The following ATG7 variants were observed in gnomAD, a reference collection of about 807,000 sequenced individuals.
ATG7 encodes the protein ubiquitin-like modifier-activating enzyme ATG7.
In ATG7, 70 loss-of-function variants were observed where a neutral mutation model predicts 82.4. The observed-to-expected ratio is 0.85, with a 90% confidence interval of 0.70 to 1.04. The LOEUF (loss-of-function observed/expected upper bound fraction) is 1.04. Among genes scored for constraint, ATG7 ranks in the 50% least tolerant of loss-of-function variants. The pLI is 0.00. For missense variants in ATG7, 792 were observed against 864.3 expected (o/e 0.92, Z 1.05); for synonymous variants, 287 against 313.0 (o/e 0.92, Z 0.88).
At chr3:11,273,833 G>T (rs1355860797) in intron 1 of ATG7, among the ~76,000 whole-genome samples, 2 of 152,148 alleles carry the variant, frequency 1.3e-5, no homozygotes, top group African/African-American at 4.8e-5. Context: ...ATTCTGAAAC[G>T]TACAGGGTCA....
chr3:11,510,177 C>G, intron 20 of ATG7: 1 of 456,424 alleles, frequency 2.2e-6, no homozygotes, highest in South Asian at 1.6e-5. Flanking sequence ...ATCTTTACCC[C>G]CTTTCAGGAT....
At chr3:11,431,025 G>A (rs2082826121) in intron 20 of ATG7, among the ~76,000 whole-genome samples, 1 of 152,240 alleles carries the variant, frequency 6.6e-6, no homozygotes, top group South Asian at 2.1e-4. Flanking sequence ...GTAGTGTGAT[G>A]TACTTGGAGC....
chr3:11,411,857 A>G (rs1406772532), intron 19 of ATG7, among the ~76,000 whole-genome samples: 1 of 151,998 alleles, frequency 6.6e-6, no homozygotes, highest in Non-Finnish European at 1.5e-5. Context: ...TAGGTCTTCC[A>G]TTTAGGTCTT....
rs558137092 is a variant in ATG7 at position 11,556,416 on chromosome 3, G to A, written c.*1573G>A. Reference sequence around the variant, plus strand: ...CACCGCCGACCCCTCCCAGAGTGACGCCCTTGTTCACTGACAAAGAGACCT... The same window carrying A: ...CACCGCCGACCCCTCCCAGAGTGACACCCTTGTTCACTGACAAAGAGACCT... On this transcript the variant is annotated 3_prime_UTR_variant, in exon 21 of 21. Coordinates refer to ENST00000693202, the MANE Select transcript of ATG7 (RefSeq NM_001349232.2). The A allele has an allele frequency of 3.8e-4, 58 of 152,876 alleles. No individual in the cohort carries two copies. The highest frequency in any genetic ancestry group is 1.1e-3 in the African/African-American group (45 of 41,534). 9.5% of individuals were successfully genotyped at this position (152,876 alleles called of 1,614,324 possible). A position where few individuals can be genotyped will look rare whatever the true frequency, so the allele number is the denominator to read the frequency against.
At chr3:11,400,463 G>A (rs1462899821) in intron 19 of ATG7, among the ~76,000 whole-genome samples, 1 of 152,180 alleles carries the variant, frequency 6.6e-6, no homozygotes, top group Non-Finnish European at 1.5e-5. Flanking sequence ...TGGAGCAGCT[G>A]CAACCCAACT....
intron 20 of ATG7, among the ~76,000 whole-genome samples, chr3:11,485,680 A>G (rs2089543397): frequency 6.6e-6 from 1 of 152,182 alleles, no homozygotes; most frequent in African/African-American, 2.4e-5. Flanking sequence ...TTTAGGTCTA[A>G]CATTTAAGTC....
chr3:11,494,326 T>C (rs1428545507), intron 20 of ATG7, among the ~76,000 whole-genome samples: 2 of 152,232 alleles, frequency 1.3e-5, no homozygotes, highest in Non-Finnish European at 2.9e-5. Flanking sequence ...GTGAGGGGTC[T>C]GGTGTCTCAT....
intron 20 of ATG7, among the ~76,000 whole-genome samples, chr3:11,512,745 A>G (rs975967037): frequency 5.3e-5 from 8 of 152,206 alleles, no homozygotes; most frequent in Non-Finnish European, 8.8e-5. Flanking sequence ...GAGCTAAAGA[A>G]CAAAGCTTCC....
rs542247546 is a variant in ATG7 at position 11,429,948 on chromosome 3, G to GAA, written c.2079+3041_2079+3042dup. The stretch of plus-strand genomic sequence containing the variant: ...GCGACAGAGCGAGACTCTGTCTCAG[G>GAA]AAAAAAAAAAAAAAAAAAAATTCTG... On this transcript the variant is annotated intron_variant, in intron 20 of 20. Coordinates refer to ENST00000693202, the MANE Select transcript of ATG7 (RefSeq NM_001349232.2). 6.5e-3 allele frequency among the ~76,000 whole-genome samples: 820 copies of GAA among 126,094 alleles called. 5 individuals are homozygous for GAA. Among genetic ancestry groups the GAA allele is most frequent in the Middle Eastern group, 0.021 (5 of 236 alleles). 82.7% of individuals were successfully genotyped at this position (126,094 alleles called of 152,430 possible). A position where few individuals can be genotyped will look rare whatever the true frequency, so the allele number is the denominator to read the frequency against.
intron 7 of ATG7, among the ~76,000 whole-genome samples, chr3:11,310,020 G>C (rs889018184): frequency 5.3e-5 from 8 of 151,952 alleles, no homozygotes; most frequent in South Asian, 2.1e-4. Flanking sequence ...ATAAAAATTA[G>C]CTGGGTGTGG....
intron 18 of ATG7, among the ~76,000 whole-genome samples, chr3:11,378,863 C>T (rs189490517): frequency 1.9e-4 from 28 of 150,794 alleles, no homozygotes; most frequent in East Asian, 3.9e-4. Flanking sequence ...GTTTGTTTTT[C>T]GGGGGGTGGG....
chr3:11,342,426 T>C (rs978732406), intron 13 of ATG7, 147 bp downstream of exon 13: 1 of 1,124,292 alleles, frequency 8.9e-7, no homozygotes, highest in Non-Finnish European at 1.2e-6. Context: ...TCTTTTTAAG[T>C]GTAAAAGAAA....
chr3:11,486,610 T>G (rs1002436386), intron 20 of ATG7, among the ~76,000 whole-genome samples: 1 of 151,848 alleles, frequency 6.6e-6, no homozygotes, highest in Non-Finnish European at 1.5e-5. Flanking sequence ...ATCCCTGTCT[T>G]GTGCCAGTTT....
chr3:11,533,628 A>C (rs564721088), intron 20 of ATG7, among the ~76,000 whole-genome samples: 1 of 152,152 alleles, frequency 6.6e-6, no homozygotes, highest in East Asian at 1.9e-4. Context: ...AAACTCATTA[A>C]AAACTGCTTC....
intron 20 of ATG7, among the ~76,000 whole-genome samples, chr3:11,484,941 CGTT>C (rs1474519634): frequency 6.6e-6 from 1 of 152,022 alleles, no homozygotes; most frequent in African/African-American, 2.4e-5. Flanking sequence ...TCCAGTCTAT[CGTT>C]GTTGGACAGT....
At chr3:11,494,791 AG>A (rs2090680086) in intron 20 of ATG7, among the ~76,000 whole-genome samples, 1 of 152,172 alleles carries the variant, frequency 6.6e-6, no homozygotes, top group Non-Finnish European at 1.5e-5. Context: ...AGGCTTGAAC[AG>A]GCCAGGCATG....
chr3:11,304,104 T>A (rs1267900677), intron 5 of ATG7, among the ~76,000 whole-genome samples: 1 of 151,794 alleles, frequency 6.6e-6, no homozygotes, highest in Non-Finnish European at 1.5e-5. Flanking sequence ...AAGAAAAAAA[T>A]GTTTTTCTTT....
chr3:11,560,963 C>T (rs774387052), downstream of ATG7, among the ~76,000 whole-genome samples: 21 of 152,100 alleles, frequency 1.4e-4, no homozygotes, highest in Non-Finnish European at 2.8e-4. Flanking sequence ...GCAGATCTCA[C>T]ACTGGCTGAC....
intron 11 of ATG7, among the ~76,000 whole-genome samples, chr3:11,335,169 T>G (rs1952246091): frequency 6.6e-6 from 1 of 152,056 alleles, no homozygotes; most frequent in Non-Finnish European, 1.5e-5. Context: ...TTTCTGCTGT[T>G]TTTAGATATT....
Sources: allele counts gnomAD v4.1 joint callset (sites outside exome capture counted in the v4.1 genomes callset), GRCh38; gene constraint gnomAD v4.1.1; transcripts MANE v1.5; gene names NCBI Gene and HGNC (gene_info 2026-07-23, HGNC 2026-07-21).